KLHDC4: variants seen among roughly 807,000 people sequenced by gnomAD.
The protein encoded by KLHDC4 is kelch domain containing 4.
KLHDC4 carries 90 observed loss-of-function variants against 62.4 expected under a neutral mutation model. That is an observed-to-expected ratio of 1.44 (90% CI 1.22 to 1.72). KLHDC4 has a LOEUF of 1.72. Among genes scored for constraint, KLHDC4 ranks in the 40% most tolerant of loss-of-function variants. KLHDC4 has a pLI of 0.00. For synonymous variants in KLHDC4, 386 were observed against 284.4 expected (o/e 1.36, Z -3.59); for missense variants, 1,025 against 699.7 (o/e 1.47, Z -5.25).
At chr16:87,721,974 C>G (rs1348692120) in intron 7 of KLHDC4, among the ~76,000 whole-genome samples, 3 of 152,276 alleles carry the variant, frequency 2.0e-5, no homozygotes, top group East Asian at 3.9e-4. Context: ...AACACCATTT[C>G]CAAAGAGCTG....
At chr16:87,755,150 A>G (rs2303770) in intron 4 of KLHDC4, 44 bp downstream of exon 4, 832,471 of 1,333,298 alleles carry the variant, frequency 0.62, 266,925 homozygotes, top group African/African-American at 0.89. Flanking sequence ...CCAGACTCCC[A>G]CGTGGGAAGA....
intron 4 of KLHDC4, among the ~76,000 whole-genome samples, chr16:87,751,791 C>T (rs371738277): frequency 2.0e-5 from 3 of 151,510 alleles, no homozygotes; most frequent in African/African-American, 7.3e-5. Context: ...AAAATGAAGT[C>T]GGCCGGGCAC....
At chr16:87,710,980 G>A in intron 9 of KLHDC4, 1 of 495,282 alleles carries the variant, frequency 2.0e-6, no homozygotes, top group Non-Finnish European at 3.6e-6. Flanking sequence ...GGAGGTCCCG[G>A]GCACCTCAGC....
rs1012345711 is a variant in KLHDC4, at chr16:87,716,302, G to C, written c.760-1729C>G. 5.9e-5 allele frequency among the ~76,000 whole-genome samples: 9 copies of C among 152,056 alleles called. No homozygotes were observed. The South Asian group carries it at 6.2e-4, about 11-fold the overall frequency. On this transcript the variant is annotated intron_variant, in intron 7 of 11. Coordinates refer to ENST00000270583, the MANE Select transcript of KLHDC4 (RefSeq NM_017566.4). The stretch of plus-strand genomic sequence containing the variant: ...CTATGGTCTTGTAGATATTGACGTA[G>C]ACTTTGGGTACACGCTATGGTCTTG...
chr16:87,703,411 T>C (rs1597326102), downstream of KLHDC4: 1 of 152,468 alleles, frequency 6.6e-6, no homozygotes, highest in African/African-American at 2.4e-5. Context: ...GGAGGCAGCG[T>C]GGGCACAGGG....
At chr16:87,706,499 C>T (rs907939445), downstream of KLHDC4, among the ~76,000 whole-genome samples, 3 of 152,182 alleles carry the variant, frequency 2.0e-5, no homozygotes, top group African/African-American at 4.8e-5. Flanking sequence ...GCACCTGCAG[C>T]CTCACTCCTG....
chr16:87,701,357 G>C (rs2034135630), exon 1 of KLHDC4: 1 of 314,684 alleles, frequency 3.2e-6, no homozygotes, highest in South Asian at 2.8e-5. Context: ...ACTGTGGAGA[G>C]AAGCTGAATG....
At chr16:87,758,251 C>T (rs923036041) in intron 2 of KLHDC4, among the ~76,000 whole-genome samples, 3 of 152,192 alleles carry the variant, frequency 2.0e-5, no homozygotes, top group African/African-American at 7.2e-5. Flanking sequence ...CAAACAGATA[C>T]CTGTATGCAA....
In KLHDC4 at chr16:87,755,308, A is replaced by T; in HGVS notation, c.271-16T>A. ...ACAAAAAAGTCTACAGGAAGGAAGA[A>T]GAATGTCAGTGTCACAAATGATACG... On this transcript the variant is annotated splice_polypyrimidine_tract_variant and intron_variant, in intron 3 of 11. Coordinates refer to ENST00000270583, the MANE Select transcript of KLHDC4 (RefSeq NM_017566.4). 7.3e-7 allele frequency: 1 copy of T among 1,377,328 alleles called. No individual in the cohort carries two copies. Among genetic ancestry groups the T allele is most frequent in the South Asian group, 1.2e-5 (1 of 85,632 alleles). The allele number at this position is 1,377,328 out of a possible 1,614,324, so 85.3% of individuals were successfully genotyped here.
chr16:87,750,289 C>A (rs760778653), intron 4 of KLHDC4: 1 of 152,280 alleles, frequency 6.6e-6, no homozygotes, highest in Non-Finnish European at 1.5e-5. Flanking sequence ...CGCTCCTAGG[C>A]AGTCTGTGTT....
chr16:87,721,152 G>T (rs919605080), intron 7 of KLHDC4, among the ~76,000 whole-genome samples: 1 of 152,224 alleles, frequency 6.6e-6, no homozygotes, highest in Non-Finnish European at 1.5e-5. Flanking sequence ...CGGGCATAGT[G>T]GCTCATGCCT....
chr16:87,737,016 T>C (rs2041429355), intron 5 of KLHDC4, among the ~76,000 whole-genome samples: 1 of 139,908 alleles, frequency 7.1e-6, no homozygotes, highest in Non-Finnish European at 1.5e-5. Context: ...TCCCAGCTAC[T>C]TGGGAGGCTG....
At chr16:87,762,067 A>G (rs773901184) in intron 1 of KLHDC4, 27 bp from the exon 2 acceptor site, 3 of 1,609,030 alleles carry the variant, frequency 1.9e-6, no homozygotes, top group Non-Finnish European at 2.5e-6. Context: ...GGCACACGTG[A>G]GACTTATTCC....
Position 87,748,889 on chromosome 16 carries a change from C to T in KLHDC4, c.370-80G>A, listed in dbSNP as rs1258214850. 8.0e-5 allele frequency: 122 copies of T among 1,518,162 alleles called. 1 individual carries two copies. Among genetic ancestry groups the T allele is most frequent in the Non-Finnish European group, 1.1e-4 (118 of 1,120,506 alleles). The allele number at this position is 1,518,162 out of a possible 1,614,324, so 94.0% of individuals were successfully genotyped here. ...GTCATGGGTGACCGGTAGTGGTGAG[C>T]GCTTCAGTACTATCTCGGATGCCCT... On this transcript the variant is annotated intron_variant, in intron 4 of 11. Transcript: ENST00000270583.
At chr16:87,728,295 A>C (rs962347144) in intron 6 of KLHDC4, among the ~76,000 whole-genome samples, 13 of 152,242 alleles carry the variant, frequency 8.5e-5, no homozygotes, top group African/African-American at 3.1e-4. Context: ...GGAATGTGGA[A>C]ATGTGGAAGC....
intron 7 of KLHDC4, among the ~76,000 whole-genome samples, chr16:87,722,942 G>A (rs181549777): frequency 2.6e-5 from 4 of 152,350 alleles, no homozygotes; most frequent in East Asian, 3.9e-4. Context: ...CTGGGAGCAT[G>A]GACGGGGCCT....
At chr16:87,714,393 G>A (rs2036515240) in intron 8 of KLHDC4, 105 bp downstream of exon 8, 2 of 1,370,238 alleles carry the variant, frequency 1.5e-6, no homozygotes, top group Non-Finnish European at 1.9e-6. Flanking sequence ...TCCGGGCAGG[G>A]TGCAGGGGCT....
At chr16:87,748,537 G>T in intron 5 of KLHDC4, 136 bp downstream of exon 5, 1 of 1,132,404 alleles carries the variant, frequency 8.8e-7, no homozygotes, top group Non-Finnish European at 1.3e-6. Context: ...CCAGGACCCA[G>T]CGAGGCTGGG....
chr16:87,742,537 G>C (rs1202388055), intron 5 of KLHDC4, among the ~76,000 whole-genome samples: 3 of 152,210 alleles, frequency 2.0e-5, no homozygotes, highest in African/African-American at 4.8e-5. Context: ...TGATGGATCA[G>C]ATCACAACTG....
Sources: allele counts gnomAD v4.1 joint callset (sites outside exome capture counted in the v4.1 genomes callset), GRCh38; gene constraint gnomAD v4.1.1; transcripts MANE v1.5; gene names NCBI Gene and HGNC (gene_info 2026-07-23, HGNC 2026-07-21).